The following BANK1 variants were observed in gnomAD, a reference collection of about 807,000 sequenced individuals.
The protein encoded by BANK1 is B-cell scaffold protein with ankyrin repeats.
A neutral mutation model predicts 94.5 loss-of-function variants in BANK1; 95 were observed. That is an observed-to-expected ratio of 1.00 (90% CI 0.85 to 1.19). The LOEUF (loss-of-function observed/expected upper bound fraction) is 1.19. Among genes scored for constraint, BANK1 ranks in the 50% most tolerant of loss-of-function variants. The pLI, the probability that BANK1 is intolerant of heterozygous loss-of-function variation, is 0.00. For missense variants in BANK1, 987 were observed against 932.2 expected (o/e 1.06, Z -0.77); for synonymous variants, 334 against 308.4 (o/e 1.08, Z -0.87).
chr4:101,872,506 G>A (rs1728329448), intron 5 of BANK1, among the ~76,000 whole-genome samples: 1 of 152,224 alleles, frequency 6.6e-6, no homozygotes, highest in East Asian at 1.9e-4. Flanking sequence ...GGGTATCTGT[G>A]AACTCACTGA....
Position 101,862,636 on chromosome 4 carries a change from T to A in BANK1, c.735T>A (p.Asn245Lys), listed in dbSNP as rs1032174882. The A allele has an allele frequency of 6.2e-7, 1 of 1,608,292 alleles. No individual in the cohort carries two copies. The highest frequency in any genetic ancestry group is 1.3e-5 in the African/African-American group (1 of 74,666). Residue 245 changes from asparagine (N) to lysine (K), a missense_variant, in exon 4 of 17, where the codon AAT becomes AAA. By Grantham distance (94) the Asn-to-Lys change is moderately conservative (BLOSUM62 0). Coordinates refer to ENST00000322953, the MANE Select transcript of BANK1 (RefSeq NM_017935.5). ...KRIRTRPALW[N>K]KKVWCMKALE... ...TTAGAACACGGCCAGCCCTTTGGAA[T>A]AAGAAAGTCTGGTGCATGAAAGCTT...
chr4:101,890,612 AAAAT>A (rs200511151), intron 5 of BANK1, among the ~76,000 whole-genome samples: 5,001 of 148,604 alleles, frequency 0.034, 275 homozygotes, highest in African/African-American at 0.12. Context: ...TTTATTATAA[AAAAT>A]AAATAAATTT....
In BANK1 at chr4:101,950,018, GGTGTGTGTGTGTGTGTGTGTGT is replaced by G. The variant is rs6148602; in HGVS notation, c.1206+31851_1206+31872del. 2.5e-4 allele frequency among the ~76,000 whole-genome samples: 38 copies of G among 149,396 alleles called. No individual in the cohort carries two copies. The South Asian group carries it at 3.4e-3, about 13-fold the overall frequency. ...CTACATTTAGTTTAAGGAAGTAAGG[GGTGTGTGTGTGTGTGTGTGTGT>G]GTGTGTGTGTGTGTGTGTGTGCGCG... On this transcript the variant is annotated intron_variant, in intron 7 of 16. Transcript: ENST00000322953.
rs546231322 is a variant in BANK1 at position 102,063,263 on chromosome 4, A to G, written c.2212+125A>G. 39 of 791,524 alleles carry G rather than the reference A, an allele frequency of 4.9e-5. No homozygotes were observed. The East Asian group carries it at 9.7e-4, about 20-fold the overall frequency. 49.0% of individuals were successfully genotyped at this position (791,524 alleles called of 1,614,324 possible). A position where few individuals can be genotyped will look rare whatever the true frequency, so the allele number is the denominator to read the frequency against. ...AACAATTCCCAGCTGTCTAACCTGGAGAGGGTCTTAATCTCTGGTAGTCAA... is the reference window on the plus strand; with the variant it reads ...AACAATTCCCAGCTGTCTAACCTGGGGAGGGTCTTAATCTCTGGTAGTCAA... On this transcript the variant is annotated intron_variant, in intron 13 of 16. Transcript: ENST00000322953.
chr4:102,026,294 T>C (rs1379916802), intron 9 of BANK1, among the ~76,000 whole-genome samples: 1 of 152,118 alleles, frequency 6.6e-6, no homozygotes, highest in Non-Finnish European at 1.5e-5. Flanking sequence ...TACTTTTTGA[T>C]CATTATTTCA....
chr4:101,807,507 ACTTTCT>A (rs1462382025), intron 1 of BANK1, among the ~76,000 whole-genome samples: 1 of 152,126 alleles, frequency 6.6e-6, no homozygotes, highest in Non-Finnish European at 1.5e-5. Flanking sequence ...AAAGAAACTG[ACTTTCT>A]CCCTCTGTGA....
At chr4:102,043,987 C>A in intron 11 of BANK1, 80 bp downstream of exon 11, 1 of 762,466 alleles carries the variant, frequency 1.3e-6, no homozygotes, top group Non-Finnish European at 2.2e-6. Context: ...GTAAAGCCTC[C>A]TAGGACAGAA....
At chr4:101,916,687 C>A (rs915600213) in intron 6 of BANK1, among the ~76,000 whole-genome samples, 1 of 152,010 alleles carries the variant, frequency 6.6e-6, no homozygotes, top group African/African-American at 2.4e-5. Context: ...TGACATTGGA[C>A]TTCTCTTTAA....
intron 2 of BANK1, among the ~76,000 whole-genome samples, chr4:101,840,397 C>T (rs1233496775): frequency 6.6e-6 from 1 of 152,040 alleles, no homozygotes; most frequent in African/African-American, 2.4e-5. Flanking sequence ...CAAAATCTGG[C>T]CATAAACTTG....
intron 7 of BANK1, among the ~76,000 whole-genome samples, chr4:101,956,952 T>G (rs1724368237): frequency 6.6e-6 from 1 of 152,202 alleles, no homozygotes; most frequent in Non-Finnish European, 1.5e-5. Flanking sequence ...TTTCATATCT[T>G]GATCTTGCCC....
intron 2 of BANK1, among the ~76,000 whole-genome samples, chr4:101,851,936 T>C (rs1244396095): frequency 6.6e-6 from 1 of 152,230 alleles, no homozygotes; most frequent in Non-Finnish European, 1.5e-5. Flanking sequence ...ACATTATCTT[T>C]GTCCCAGGAC....
At chr4:101,844,223 T>C (rs1727163721) in intron 2 of BANK1, among the ~76,000 whole-genome samples, 1 of 152,158 alleles carries the variant, frequency 6.6e-6, no homozygotes, top group South Asian at 2.1e-4. Flanking sequence ...TGAGGTGCAG[T>C]GCATCCAAAG....
intron 5 of BANK1, among the ~76,000 whole-genome samples, chr4:101,875,413 G>T (rs1728451170): frequency 6.6e-6 from 1 of 152,292 alleles, no homozygotes; most frequent in Non-Finnish European, 1.5e-5. Flanking sequence ...CACAGTTCTT[G>T]TGGCGGGAGA....
At chr4:101,969,982 A>G (rs921292149) in intron 7 of BANK1, among the ~76,000 whole-genome samples, 6 of 152,188 alleles carry the variant, frequency 3.9e-5, no homozygotes, top group South Asian at 4.1e-4. Flanking sequence ...CAATGCCACA[A>G]TAGTTTCAAT....
At chr4:101,910,793 C>T (rs1331771619) in intron 6 of BANK1, among the ~76,000 whole-genome samples, 1 of 151,320 alleles carries the variant, frequency 6.6e-6, no homozygotes, top group Non-Finnish European at 1.5e-5. Context: ...TTTTAAAACC[C>T]TCAGAAATGC....
At chr4:101,829,656 A>AT (rs1245663939) in intron 1 of BANK1, 152 bp from the exon 2 acceptor site, 1 of 419,060 alleles carries the variant, frequency 2.4e-6, no homozygotes, top group Non-Finnish European at 4.1e-6. Flanking sequence ...TTAATCTATG[A>AT]TTTTTTATAC....
chr4:102,012,518 A>G (rs1231081864), intron 7 of BANK1, among the ~76,000 whole-genome samples: 2 of 152,204 alleles, frequency 1.3e-5, no homozygotes, highest in Non-Finnish European at 2.9e-5. Context: ...GTCAAATAAC[A>G]CTTATTTTCT....
At position 101,852,578 on chromosome 4, in the gene BANK1, TAC is replaced by T. The variant is rs1355350114; in HGVS notation, c.470-2455_470-2454del. On this transcript the variant is annotated intron_variant, in intron 2 of 16. Coordinates refer to ENST00000322953, the MANE Select transcript of BANK1 (RefSeq NM_017935.5). ...TTCCTACCACATAGCTCTGTATATG[TAC>T]AGTTTTTATTTTACTAGAATAGGAG... Among the ~76,000 whole-genome samples the T allele has an allele frequency of 4.0e-5, 6 of 149,568 alleles. No individual in the cohort carries two copies. The East Asian group carries it at 1.2e-3, about 29-fold the overall frequency.
chr4:101,863,495 G>T (rs1033626657), intron 4 of BANK1, among the ~76,000 whole-genome samples: 6 of 152,040 alleles, frequency 3.9e-5, no homozygotes, highest in Non-Finnish European at 7.4e-5. Context: ...TAAAGATCAT[G>T]TCAAACACAT....
Sources: gnomAD v4.1 joint callset for allele counts (sites outside exome capture counted in the v4.1 genomes callset) on GRCh38, gnomAD v4.1.1 for gene constraint, MANE v1.5 for transcripts, NCBI Gene and HGNC (gene_info 2026-07-23, HGNC 2026-07-21) for gene names.